DYNC1LI2: variants seen among roughly 807,000 people sequenced by gnomAD.
The protein encoded by DYNC1LI2 is dynein cytoplasmic 1 light intermediate chain 2, also known as cytoplasmic dynein 1 light intermediate chain 2.
A neutral mutation model predicts 57.8 loss-of-function variants in DYNC1LI2; 19 were observed. The ratio of observed to expected loss-of-function variants is 0.33; its 90% CI spans 0.23 to 0.48. The LOEUF is 0.48. Ranked by LOEUF, DYNC1LI2 falls within the 20% of genes least tolerant of loss-of-function variation. The pLI, the probability that DYNC1LI2 is intolerant of heterozygous loss-of-function variation, is 0.99. For missense variants in DYNC1LI2, 470 were observed against 604.2 expected (o/e 0.78, Z 2.33); for synonymous variants, 256 against 233.4 (o/e 1.10, Z -0.88).
chr16:66,723,606 T>C lies in DYNC1LI2; in HGVS notation c.*116A>G, dbSNP rs1287075917. The C allele has an allele frequency of 2.4e-6, 2 of 847,650 alleles. No individual in the cohort carries two copies. Among genetic ancestry groups the C allele is most frequent in the South Asian group, 1.7e-5 (1 of 58,326 alleles). The allele number at this position is 847,650 out of a possible 1,614,324, so 52.5% of individuals were successfully genotyped here. ...GAAGTTTTTTTTTTTTTTTTAAAGT[T>C]CATCTCCCCTGCCCCAAAAAACTGA... is the stretch of plus-strand genomic sequence containing the variant. On this transcript the variant is annotated 3_prime_UTR_variant, in exon 13 of 13. Coordinates refer to ENST00000258198, the MANE Select transcript of DYNC1LI2 (RefSeq NM_006141.3).
intron 6 of DYNC1LI2, chr16:66,732,792 T>G (rs1297964336): frequency 5.1e-6 from 1 of 196,920 alleles, no homozygotes; most frequent in African/African-American, 2.3e-5. Flanking sequence ...ATCCCACAGA[T>G]TACTTCCTGA....
chr16:66,750,037 G>A (rs986563781), intron 2 of DYNC1LI2, among the ~76,000 whole-genome samples: 1 of 152,156 alleles, frequency 6.6e-6, no homozygotes, highest in African/African-American at 2.4e-5. Flanking sequence ...AAGGCAGTCA[G>A]TCCACAGATC....
intron 3 of DYNC1LI2, among the ~76,000 whole-genome samples, chr16:66,743,068 AG>A (rs1197761975): frequency 6.6e-6 from 1 of 152,120 alleles, no homozygotes; most frequent in Non-Finnish European, 1.5e-5. Flanking sequence ...AGGCTGAGGC[AG>A]GAGAATTGCT....
intron 2 of DYNC1LI2, among the ~76,000 whole-genome samples, chr16:66,749,857 G>A (rs1460553891): frequency 1.3e-5 from 2 of 152,124 alleles, no homozygotes; most frequent in African/African-American, 2.4e-5. Context: ...TATAGACCTA[G>A]CAAAACTCTT....
intron 4 of DYNC1LI2, among the ~76,000 whole-genome samples, chr16:66,737,001 A>C (rs940913973): frequency 5.3e-5 from 8 of 152,168 alleles, no homozygotes; most frequent in Admixed American, 1.3e-4. Context: ...AGCTGGGCAC[A>C]GTGGCTCATG....
At chr16:66,729,001 A>C in intron 9 of DYNC1LI2, 39 bp downstream of exon 9, 1 of 1,610,594 alleles carries the variant, frequency 6.2e-7, no homozygotes, top group Non-Finnish European at 8.5e-7. Context: ...CATTTCATGC[A>C]TGAGAAGGCC....
At chr16:66,730,042 A>C in intron 8 of DYNC1LI2, 70 bp downstream of exon 8, 1 of 1,392,590 alleles carries the variant, frequency 7.2e-7, no homozygotes, top group Non-Finnish European at 9.9e-7. Context: ...TGGCCTCCCA[A>C]AGTGCTGGGA....
Position 66,736,140 on chromosome 16 carries a change from G to A in DYNC1LI2, c.634C>T (p.Leu212=), listed in dbSNP as rs765933964. The stretch of plus-strand genomic sequence containing the variant: ...GTCAGCACATTGTCACCCAGAGGCA[G>A]GGCAACATTTTCTTCATCGGAGCCT... ...TSGSDEENVA[L]PLGDNVLTHN... Residue 212 remains leucine (L), a synonymous_variant, in exon 5 of 13, where the codon CTG becomes TTG. Transcript: ENST00000258198. 6.2e-7 allele frequency: 1 copy of A among 1,614,060 alleles called. No individual in the cohort carries two copies. The highest frequency in any genetic ancestry group is 8.5e-7 in the Non-Finnish European group (1 of 1,180,036).
intron 8 of DYNC1LI2, among the ~76,000 whole-genome samples, chr16:66,729,866 C>G (rs886744709): frequency 3.3e-5 from 5 of 152,184 alleles, no homozygotes; most frequent in African/African-American, 9.6e-5. Context: ...ACTGCAATCT[C>G]TGCCTCCCAG....
intron 4 of DYNC1LI2, among the ~76,000 whole-genome samples, chr16:66,739,577 G>C (rs1308987435): frequency 6.6e-6 from 1 of 152,084 alleles, no homozygotes; most frequent in Non-Finnish European, 1.5e-5. Flanking sequence ...CAGGACTACA[G>C]GCATGTACCA....
At chr16:66,732,167 A>G in intron 7 of DYNC1LI2, 172 bp downstream of exon 7, 1 of 882,294 alleles carries the variant, frequency 1.1e-6, no homozygotes, top group South Asian at 2.0e-5. Context: ...CACACCACCC[A>G]CTTCCCTCAG....
chr16:66,748,024 T>C (rs558487044), intron 3 of DYNC1LI2, among the ~76,000 whole-genome samples: 1 of 152,250 alleles, frequency 6.6e-6, no homozygotes, highest in African/African-American at 2.4e-5. Flanking sequence ...CAGTGGTTCA[T>C]GCCTGTAATC....
chr16:66,731,668 A>G (rs2017639556), intron 7 of DYNC1LI2: 1 of 152,344 alleles, frequency 6.6e-6, no homozygotes, highest in Non-Finnish European at 1.5e-5. Context: ...CTGAGCACCT[A>G]GTGGGTGCTG....
In DYNC1LI2 at chr16:66,721,947, T is replaced by C. The variant is rs2017456277; in HGVS notation, c.*1775A>G. The C allele has an allele frequency of 6.6e-6, 1 of 152,374 alleles. No individual in the cohort carries two copies. The highest frequency in any genetic ancestry group is 2.4e-5 in the African/African-American group (1 of 41,448). 9.4% of individuals were successfully genotyped at this position (152,374 alleles called of 1,614,324 possible). On this transcript the variant is annotated 3_prime_UTR_variant, in exon 13 of 13. Coordinates refer to ENST00000258198, the MANE Select transcript of DYNC1LI2 (RefSeq NM_006141.3). ...GCATCTATTGGTCACTATACCACAA[T>C]TATCATTCTACAGTCAGTTTACTGT...
chr16:66,727,258 A>G (rs1401702979), intron 11 of DYNC1LI2, among the ~76,000 whole-genome samples: 1 of 152,128 alleles, frequency 6.6e-6, no homozygotes, highest in Non-Finnish European at 1.5e-5. Flanking sequence ...ATGGTGGCAC[A>G]CGCCTATAGT....
intron 3 of DYNC1LI2, 61 bp from the exon 4 acceptor site, chr16:66,742,729 G>A: frequency 2.0e-6 from 3 of 1,520,818 alleles, no homozygotes; most frequent in Non-Finnish European, 2.7e-6. Flanking sequence ...CATAGCTGCA[G>A]AAACAGACAC....
chr16:66,744,236 G>A (rs1021122027), intron 3 of DYNC1LI2, among the ~76,000 whole-genome samples: 1 of 151,810 alleles, frequency 6.6e-6, no homozygotes, highest in African/African-American at 2.4e-5. Flanking sequence ...GTTTTTTGTA[G>A]AGATAGGGTC....
At chr16:66,731,407 C>A (rs2017634642) in intron 7 of DYNC1LI2, 1 of 152,372 alleles carries the variant, frequency 6.6e-6, no homozygotes, top group African/African-American at 2.4e-5. Flanking sequence ...CAACCCAAAT[C>A]CCTGAGAGCT....
At chr16:66,726,153 G>A (rs1357686808) in intron 11 of DYNC1LI2, among the ~76,000 whole-genome samples, 2 of 152,176 alleles carry the variant, frequency 1.3e-5, no homozygotes, top group Admixed American at 1.3e-4. Flanking sequence ...TTTCCCACTT[G>A]TTTGGGAGCA....
Sources: allele counts gnomAD v4.1 joint callset (sites outside exome capture counted in the v4.1 genomes callset), GRCh38; gene constraint gnomAD v4.1.1; transcripts MANE v1.5; gene names NCBI Gene and HGNC (gene_info 2026-07-23, HGNC 2026-07-21).